The following ROBO2 variants were observed in gnomAD, a reference collection of about 807,000 sequenced individuals.
ROBO2 encodes roundabout homolog 2.
In ROBO2, 53 loss-of-function variants were observed where a neutral mutation model predicts 160.8. The ratio of observed to expected loss-of-function variants is 0.33; its 90% CI spans 0.26 to 0.41. ROBO2 has a LOEUF of 0.41. ROBO2 is among the 10% of genes least tolerant of loss of function. The pLI is 1.00. For missense variants in ROBO2, 1,577 were observed against 1,722.4 expected (o/e 0.92, Z 1.49); for synonymous variants, 664 against 611.7 (o/e 1.09, Z -1.26).
chr3:76,366,240 C>T (rs1368721636), intron 2 of ROBO2, among the ~76,000 whole-genome samples: 2 of 152,030 alleles, frequency 1.3e-5, no homozygotes, highest in African/African-American at 4.8e-5. Flanking sequence ...GTGGAATACT[C>T]CTCTTCCTAG....
intron 2 of ROBO2, among the ~76,000 whole-genome samples, chr3:76,015,512 T>A (rs1486439534): frequency 6.6e-6 from 1 of 152,240 alleles, no homozygotes; most frequent in East Asian, 1.9e-4. Context: ...AACTATATTT[T>A]ACACAATTTT....
Position 76,967,605 on chromosome 3 carries a change from T to A in ROBO2, c.110-130409T>A, listed in dbSNP as rs113831019. Reference sequence around the variant, plus strand: ...GGCAAGATAATAGCTCACTGCAGCCTTGAACTTCTAAACTCAAGGGATCCT... The same window carrying A: ...GGCAAGATAATAGCTCACTGCAGCCATGAACTTCTAAACTCAAGGGATCCT... On this transcript the variant is annotated intron_variant, in intron 2 of 26. Coordinates refer to the ROBO2 transcript ENST00000487694. Among the ~76,000 whole-genome samples, 828 of 150,162 alleles carry A rather than the reference T, an allele frequency of 5.5e-3. 6 individuals are homozygous for A. The highest frequency in any genetic ancestry group is 0.02 in the African/African-American group (797 of 40,596).
chr3:75,914,280 AAATT>A (rs1164619364), intron 1 of ROBO2, among the ~76,000 whole-genome samples: 2 of 152,198 alleles, frequency 1.3e-5, no homozygotes, highest in African/African-American at 4.8e-5. Flanking sequence ...TTAAAACAAT[AAATT>A]TTATAATCAG....
chr3:75,971,567 T>A (rs2064995090), intron 2 of ROBO2, among the ~76,000 whole-genome samples: 1 of 151,510 alleles, frequency 6.6e-6, no homozygotes, highest in Non-Finnish European at 1.5e-5. Flanking sequence ...ACTGCATAAC[T>A]TTGAAATTTT....
rs528976157 is a variant in ROBO2 at position 77,636,007 on chromosome 3, C to T, written c.3934+964C>T. Among the ~76,000 whole-genome samples the T allele has an allele frequency of 3.3e-5, 5 of 152,130 alleles. No homozygotes were observed. In the South Asian group the frequency reaches 1.0e-3, roughly 32 times the overall value. On this transcript the variant is annotated intron_variant, in intron 24 of 25. Coordinates refer to ENST00000461745, the Ensembl canonical transcript of ROBO2. ...GCCTTTTCATTGTATGATCACATAG[C>T]GGAAGGGACAAGGTTCTCTCTGGGG...
chr3:76,603,347 AAAAAATATATAT>A (rs2087354828), intron 2 of ROBO2, among the ~76,000 whole-genome samples: 1 of 45,076 alleles, frequency 2.2e-5, no homozygotes, highest in Non-Finnish European at 3.9e-5. Flanking sequence ...AAAAAAAAAA[AAAAAATATATAT>A]ATATATATAT....
intron 2 of ROBO2, among the ~76,000 whole-genome samples, chr3:76,597,068 A>T (rs2086780891): frequency 6.6e-6 from 1 of 152,136 alleles, no homozygotes; most frequent in African/African-American, 2.4e-5. Context: ...AAATTTTTTT[A>T]AAAAATGAAT....
At chr3:76,533,191 T>G (rs1470733500) in intron 2 of ROBO2, among the ~76,000 whole-genome samples, 2 of 152,174 alleles carry the variant, frequency 1.3e-5, no homozygotes, top group African/African-American at 2.4e-5. Context: ...GCCACAAAAT[T>G]TAGGCATGGG....
intron 2 of ROBO2, among the ~76,000 whole-genome samples, chr3:76,960,719 T>C (rs534874465): frequency 6.6e-6 from 1 of 152,298 alleles, no homozygotes; most frequent in South Asian, 2.1e-4. Context: ...CTCTATTTTA[T>C]GCATTGTCAC....
intron 1 of ROBO2, among the ~76,000 whole-genome samples, chr3:77,061,587 A>G (rs2066311315): frequency 6.6e-6 from 1 of 152,172 alleles, no homozygotes; most frequent in Non-Finnish European, 1.5e-5. Context: ...TTGTCCAGTC[A>G]GTGTGAGTGG....
At chr3:75,949,787 A>G (rs1006273614) in intron 2 of ROBO2, among the ~76,000 whole-genome samples, 1 of 151,830 alleles carries the variant, frequency 6.6e-6, no homozygotes, top group African/African-American at 2.4e-5. Flanking sequence ...TCTACATTCC[A>G]CAGATGACCC....
rs190554689 is a variant in ROBO2, at chr3:76,474,488, C to G, written c.109+536886C>G. On this transcript the variant is annotated intron_variant, in intron 2 of 26. Coordinates refer to the ROBO2 transcript ENST00000487694. ...TAAGAGATTACTAAGTGCCAGGCCC[C>G]GTTCTAAGTGGTAGAAAAGCAGTAA... 5.3e-5 allele frequency among the ~76,000 whole-genome samples: 8 copies of G among 152,154 alleles called. No individual in the cohort carries two copies. The East Asian group carries it at 1.5e-3, about 29-fold the overall frequency.
chr3:76,123,314 C>T (rs1400238), intron 2 of ROBO2, among the ~76,000 whole-genome samples: 148,611 of 152,214 alleles, frequency 0.98, 72,664 homozygotes, highest in East Asian at 1. Context: ...CATATCCTAT[C>T]GAAATGTTTT....
chr3:76,542,748 A>G (rs1428001200), intron 2 of ROBO2, among the ~76,000 whole-genome samples: 1 of 152,096 alleles, frequency 6.6e-6, no homozygotes, highest in East Asian at 1.9e-4. Context: ...CCACTTACTC[A>G]ACTTCTCTTT....
intron 23 of ROBO2, among the ~76,000 whole-genome samples, chr3:77,623,808 T>C (rs1189437696): frequency 6.6e-6 from 1 of 152,216 alleles, no homozygotes; most frequent in Non-Finnish European, 1.5e-5. Flanking sequence ...ACTGAACTCT[T>C]TTCCATTAGG....
chr3:76,306,907 C>G (rs909479966), intron 2 of ROBO2, among the ~76,000 whole-genome samples: 1 of 151,992 alleles, frequency 6.6e-6, no homozygotes, highest in Non-Finnish European at 1.5e-5. Flanking sequence ...GCGGTTTTTC[C>G]TGCTTCTAAT....
intron 2 of ROBO2, among the ~76,000 whole-genome samples, chr3:76,532,509 T>C (rs2082283096): frequency 6.6e-6 from 1 of 152,174 alleles, no homozygotes; most frequent in South Asian, 2.1e-4. Flanking sequence ...CAGTAACATA[T>C]TAACTTTTCA....
chr3:76,465,370 T>C (rs2078304948), intron 2 of ROBO2, among the ~76,000 whole-genome samples: 1 of 152,166 alleles, frequency 6.6e-6, no homozygotes, highest in Non-Finnish European at 1.5e-5. Context: ...GAAAAAATAG[T>C]GGGTAATAAA....
chr3:76,492,369 G>A (rs929235969), intron 2 of ROBO2, among the ~76,000 whole-genome samples: 2 of 151,930 alleles, frequency 1.3e-5, no homozygotes, highest in South Asian at 2.1e-4. Flanking sequence ...TTATGTGTTC[G>A]CTCCTTTTGA....
Sources: gnomAD v4.1 joint callset for allele counts (sites outside exome capture counted in the v4.1 genomes callset) on GRCh38, gnomAD v4.1.1 for gene constraint, MANE v1.5 for transcripts, NCBI Gene and HGNC (gene_info 2026-07-23, HGNC 2026-07-21) for gene names.